The following RNF130 variants were observed in gnomAD, a reference collection of about 807,000 sequenced individuals.
RNF130 encodes E3 ubiquitin-protein ligase RNF130.
Under a neutral mutation model 44.6 loss-of-function variants are expected in RNF130, and 21 were observed. The ratio of observed to expected loss-of-function variants is 0.47; its 90% confidence interval spans 0.33 to 0.68. RNF130 has a LOEUF of 0.68. RNF130 is among the 30% of genes least tolerant of loss of function. The pLI, the probability that RNF130 is intolerant of heterozygous loss-of-function variation, is 0.02. For synonymous variants in RNF130, 214 were observed against 210.4 expected (o/e 1.02, Z -0.15); for missense variants, 479 against 560.6 (o/e 0.85, Z 1.47).
chr5:180,012,668 C>T (rs1763620224), intron 3 of RNF130, among the ~76,000 whole-genome samples: 1 of 152,194 alleles, frequency 6.6e-6, no homozygotes, highest in African/African-American at 2.4e-5. Context: ...GTTCAAAATT[C>T]ACATGGGAAA....
At chr5:180,045,532 G>T (rs1417736648) in intron 1 of RNF130, among the ~76,000 whole-genome samples, 1 of 152,218 alleles carries the variant, frequency 6.6e-6, no homozygotes, top group African/African-American at 2.4e-5. Context: ...GTGGACCTCT[G>T]CACGTTGCCG....
intron 7 of RNF130, among the ~76,000 whole-genome samples, chr5:179,922,241 G>A (rs1337757154): frequency 6.7e-6 from 1 of 149,348 alleles, no homozygotes; most frequent in Non-Finnish European, 1.5e-5. Flanking sequence ...AGCCAACCGT[G>A]TATCTTCGTT....
At chr5:180,016,297 C>CT (rs1763729288) in intron 2 of RNF130, among the ~76,000 whole-genome samples, 1 of 152,170 alleles carries the variant, frequency 6.6e-6, no homozygotes, top group African/African-American at 2.4e-5. Flanking sequence ...CTAAAGCTGC[C>CT]TCAGACACTT....
intron 3 of RNF130, among the ~76,000 whole-genome samples, chr5:179,981,097 G>C (rs1049173638): frequency 7.2e-5 from 11 of 152,160 alleles, no homozygotes; most frequent in Admixed American, 7.2e-4. Flanking sequence ...GGTTAGGAGG[G>C]GGTTCCGGGT....
At chr5:180,027,672 G>A (rs575415839) in intron 2 of RNF130, among the ~76,000 whole-genome samples, 32 of 152,264 alleles carry the variant, frequency 2.1e-4, no homozygotes, top group African/African-American at 6.0e-4. Context: ...GCCAGGACGC[G>A]TGCCTTCCTG....
At chr5:180,000,394 T>C (rs1247474043) in intron 3 of RNF130, among the ~76,000 whole-genome samples, 1 of 152,202 alleles carries the variant, frequency 6.6e-6, no homozygotes, top group Non-Finnish European at 1.5e-5. Flanking sequence ...AGATTTACTC[T>C]TATTTAGGAA....
chr5:180,067,107 A>T (rs1185904856), intron 1 of RNF130, among the ~76,000 whole-genome samples: 1 of 152,192 alleles, frequency 6.6e-6, no homozygotes, highest in African/African-American at 2.4e-5. Context: ...GAAGTTATCT[A>T]GTCTTGAGGC....
chr5:180,032,310 C>G (rs1281757089), intron 2 of RNF130, among the ~76,000 whole-genome samples: 21 of 152,154 alleles, frequency 1.4e-4, no homozygotes, highest in Admixed American at 1.4e-3. Flanking sequence ...TTACCTCTTA[C>G]ATTTTGTCTA....
intron 3 of RNF130, among the ~76,000 whole-genome samples, chr5:180,012,364 C>A (rs1035324815): frequency 6.6e-6 from 1 of 152,148 alleles, no homozygotes; most frequent in Non-Finnish European, 1.5e-5. Flanking sequence ...AGGAGAGGGA[C>A]CTAACACCTG....
At chr5:179,993,486 A>AT in intron 3 of RNF130, among the ~76,000 whole-genome samples, 1 of 152,194 alleles carries the variant, frequency 6.6e-6, no homozygotes, top group Non-Finnish European at 1.5e-5. Flanking sequence ...GATGATGAGC[A>AT]TTTTTTCATG....
At position 179,928,628 on chromosome 5, in the gene RNF130, GTTGT is replaced by G. The variant is rs1198429336; in HGVS notation, c.1151-8206_1151-8203del. Among the ~76,000 whole-genome samples the G allele has an allele frequency of 4.0e-5, 5 of 125,084 alleles. No individual in the cohort carries two copies. In the East Asian group the frequency reaches 8.0e-4, roughly 20 times the overall value. The allele number at this position is 125,084 out of a possible 152,430, so 82.1% of individuals were successfully genotyped here. ...CCAAAACTGTATTTTTTTAATTGTT[GTTGT>G]TTTTTTTTTTTTTTGAGACGGAGTC... On this transcript the variant is annotated intron_variant, in intron 7 of 7. Coordinates refer to the RNF130 transcript ENST00000522208.
intron 2 of RNF130, among the ~76,000 whole-genome samples, chr5:180,034,369 G>A (rs889883606): frequency 1.3e-5 from 2 of 152,076 alleles, no homozygotes; most frequent in Non-Finnish European, 2.9e-5. Context: ...TTGATATGAA[G>A]GTAAAAACCA....
At chr5:180,052,547 C>A (rs1764710827) in intron 1 of RNF130, among the ~76,000 whole-genome samples, 2 of 152,360 alleles carry the variant, frequency 1.3e-5, no homozygotes, top group South Asian at 4.1e-4. Context: ...TTCATCACTT[C>A]TTTCTTCTAG....
intron 7 of RNF130, among the ~76,000 whole-genome samples, chr5:179,921,041 T>C (rs1274310476): frequency 6.6e-6 from 1 of 152,188 alleles, no homozygotes; most frequent in Non-Finnish European, 1.5e-5. Flanking sequence ...ATAGTTACAT[T>C]ATTTGACTAT....
At chr5:179,962,895 A>G (rs1023205701) in intron 8 of RNF130, among the ~76,000 whole-genome samples, 1 of 152,116 alleles carries the variant, frequency 6.6e-6, no homozygotes, top group Non-Finnish European at 1.5e-5. Flanking sequence ...GCCTGCCGTC[A>G]TGGAGCCTGC....
chr5:179,943,682 A>G (rs1458894778), intron 7 of RNF130, among the ~76,000 whole-genome samples: 1 of 152,190 alleles, frequency 6.6e-6, no homozygotes, highest in African/African-American at 2.4e-5. Context: ...TAAAGCTAAA[A>G]CTAGAATCCA....
intron 1 of RNF130, among the ~76,000 whole-genome samples, chr5:180,046,617 G>C (rs906139746): frequency 7.2e-5 from 11 of 152,156 alleles, no homozygotes; most frequent in African/African-American, 2.4e-4. Flanking sequence ...ACAGCACAGT[G>C]GCAAAGATGT....
rs1049145927 is a variant in RNF130 at position 180,071,753 on chromosome 5, C to T, written c.-51G>A. ...CGCGGACCGGGCTCCGGGGCCGGCG[C>T]CTAGAGGCGGGGCGGGCGCGGCCCG... is the stretch of plus-strand genomic sequence containing the variant. On this transcript the variant is annotated 5_prime_UTR_variant, in exon 1 of 9. Coordinates refer to ENST00000521389, the MANE Select transcript of RNF130 (RefSeq NM_018434.6). 50 of 1,098,658 alleles carry T rather than the reference C, an allele frequency of 4.6e-5. 1 individual carries two copies. The African/African-American group carries it at 6.9e-4, about 15-fold the overall frequency. The allele number at this position is 1,098,658 out of a possible 1,614,324, so 68.1% of individuals were successfully genotyped here.
chr5:179,912,088 C>T (rs1761474904), exon 8 of RNF130: 1 of 152,232 alleles, frequency 6.6e-6, no homozygotes, highest in Non-Finnish European at 1.5e-5. Context: ...TCCCCACCCC[C>T]ACATTACCTG....
Sources: allele counts gnomAD v4.1 joint callset (sites outside exome capture counted in the v4.1 genomes callset), GRCh38; gene constraint gnomAD v4.1.1; transcripts MANE v1.5; gene names NCBI Gene and HGNC (gene_info 2026-07-23, HGNC 2026-07-21).